The following SCN8A variants were observed in gnomAD, a reference collection of about 807,000 sequenced individuals.
SCN8A encodes the protein sodium channel protein type 8 subunit alpha.
A neutral mutation model predicts 184.1 loss-of-function variants in SCN8A; 30 were observed. The observed-to-expected ratio is 0.16, with a 90% CI of 0.12 to 0.22. The LOEUF (loss-of-function observed/expected upper bound fraction) is 0.22. Ranked by LOEUF, SCN8A falls within the 10% of genes least tolerant of loss-of-function variation. SCN8A has a pLI of 1.00. For synonymous variants in SCN8A, 852 were observed against 907.0 expected (o/e 0.94, Z 1.09); for missense variants, 1,057 against 2,498.9 (o/e 0.42, Z 12.30).
At chr12:51,749,761 G>A (rs924276029) in intron 13 of SCN8A, among the ~76,000 whole-genome samples, 1 of 152,124 alleles carries the variant, frequency 6.6e-6, no homozygotes, top group African/African-American at 2.4e-5. Context: ...CAGCTGGTTG[G>A]AAAAGGGAAC....
intron 2 of SCN8A, among the ~76,000 whole-genome samples, chr12:51,671,494 T>G (rs947852374): frequency 6.6e-6 from 1 of 152,176 alleles, no homozygotes; most frequent in African/African-American, 2.4e-5. Context: ...GATTGGTAAT[T>G]TTAGGAATTA....
At chr12:51,645,399 C>G (rs539081040) in intron 1 of SCN8A, among the ~76,000 whole-genome samples, 1 of 151,918 alleles carries the variant, frequency 6.6e-6, no homozygotes, top group African/African-American at 2.4e-5. Context: ...TGCCCGGCCG[C>G]GCCTACTGGG....
intron 6 of SCN8A, among the ~76,000 whole-genome samples, chr12:51,691,911 T>C (rs1019052833): frequency 6.6e-6 from 1 of 152,224 alleles, no homozygotes; most frequent in Non-Finnish European, 1.5e-5. Context: ...TGTTGTGCTA[T>C]TCCTACCTGC....
At chr12:51,792,183 T>C (rs1453205485) in intron 25 of SCN8A, among the ~76,000 whole-genome samples, 1 of 151,750 alleles carries the variant, frequency 6.6e-6, no homozygotes, top group Non-Finnish European at 1.5e-5. Flanking sequence ...AGGGTCTACT[T>C]GAGTGGATGA....
chr12:51,649,220 G>A (rs1429538882), intron 1 of SCN8A, among the ~76,000 whole-genome samples: 1 of 152,206 alleles, frequency 6.6e-6, no homozygotes, highest in East Asian at 1.9e-4. Context: ...TTGTGGTTTT[G>A]CAGGGTACAG....
At chr12:51,603,759 A>G (rs562164695) in intron 1 of SCN8A, among the ~76,000 whole-genome samples, 106 of 151,876 alleles carry the variant, frequency 7.0e-4, no homozygotes, top group African/African-American at 2.5e-3. Context: ...TAGCCATTCT[A>G]ATAGGTGTGT....
At chr12:51,616,565 T>C (rs1175984726) in intron 1 of SCN8A, among the ~76,000 whole-genome samples, 1 of 151,920 alleles carries the variant, frequency 6.6e-6, no homozygotes, top group African/African-American at 2.4e-5. Flanking sequence ...GAGCAAAGAA[T>C]GCACCACTGC....
Position 51,721,106 on chromosome 12 carries a change from T to TATATATATATAA in SCN8A, c.1636-439_1636-438insTATATATATAAA, listed in dbSNP as rs1179556945. Among the ~76,000 whole-genome samples the TATATATATATAA allele has an allele frequency of 1.3e-3, 139 of 106,090 alleles. 2 individuals carry two copies. The highest frequency in any genetic ancestry group is 5.0e-3 in the African/African-American group (129 of 25,812). The allele number at this position is 106,090 out of a possible 152,430, so 69.6% of individuals were successfully genotyped here. On this transcript the variant is annotated intron_variant, in intron 11 of 26. Coordinates refer to ENST00000627620, the MANE Select transcript of SCN8A (RefSeq NM_001330260.2). ...TTATATATATATATATATATATATATAATATTTATTTATTGTTATATATAT... is the reference window on the plus strand; with the variant it reads ...TTATATATATATATATATATATATATATATATATATAAAATATTTATTTATTGTTATATATAT...
intron 11 of SCN8A, among the ~76,000 whole-genome samples, chr12:51,709,616 T>C (rs1295294188): frequency 6.6e-6 from 1 of 151,966 alleles, no homozygotes; most frequent in Non-Finnish European, 1.5e-5. Context: ...TAGTCCAGAG[T>C]AAGGAAGGAT....
intron 2 of SCN8A, among the ~76,000 whole-genome samples, chr12:51,673,977 A>T: frequency 6.6e-6 from 1 of 152,170 alleles, no homozygotes; most frequent in South Asian, 2.1e-4. Context: ...CACCTGTCAG[A>T]GAAGAGATGA....
chr12:51,790,546 A>G, intron 25 of SCN8A, 44 bp downstream of exon 25: 1 of 1,315,686 alleles, frequency 7.6e-7, no homozygotes, highest in Middle Eastern at 1.8e-4. Context: ...GAACCCATAT[A>G]GGAAAAGTAC....
rs371712630 is a variant in SCN8A, at chr12:51,663,087, G to A, written c.270G>A (p.Thr90=). ...PLEDFDPYYL[T]QKTFVVLNRG... is the part of the protein sequence containing the mutation. ...AGGACTTTGACCCATACTATTTGAC[G>A]CAGAAAGTGAGTTGGAGGAGGAGGA... Residue 90 remains threonine, a synonymous_variant, in exon 2 of 27, where the codon ACG becomes ACA. Transcript: ENST00000627620. The A allele has an allele frequency of 2.6e-5, 42 of 1,613,198 alleles. No individual in the cohort carries two copies. In the East Asian group the frequency reaches 2.7e-4, roughly 10 times the overall value.
chr12:51,797,773 C>G (rs192943807), intron 26 of SCN8A, among the ~76,000 whole-genome samples: 1 of 152,338 alleles, frequency 6.6e-6, no homozygotes, highest in Non-Finnish European at 1.5e-5. Context: ...CCAGCCAACA[C>G]TATAACTCCC....
intron 11 of SCN8A, chr12:51,713,557 C>T (rs1231935083): frequency 4.5e-5 from 33 of 730,180 alleles, no homozygotes; most frequent in Non-Finnish European, 7.0e-5. Flanking sequence ...GTGGCAATGT[C>T]GACGGCTGGA....
intron 26 of SCN8A, among the ~76,000 whole-genome samples, chr12:51,805,877 G>A (rs933200712): frequency 1.4e-4 from 21 of 151,406 alleles, no homozygotes; most frequent in African/African-American, 4.4e-4. Flanking sequence ...CACCAAGGCT[G>A]GAGTGCAGTG....
At chr12:51,633,326 T>G (rs982625668) in intron 1 of SCN8A, among the ~76,000 whole-genome samples, 1 of 152,242 alleles carries the variant, frequency 6.6e-6, no homozygotes, top group African/African-American at 2.4e-5. Context: ...CTTATCTAGA[T>G]TCCCTTCTAG....
intron 20 of SCN8A, 136 bp from the exon 21 acceptor site, chr12:51,780,513 G>T: frequency 1.7e-6 from 1 of 605,608 alleles, no homozygotes; most frequent in Non-Finnish European, 2.5e-6. Context: ...CCCAATCTGT[G>T]TCTGCAGTGC....
chr12:51,700,879 A>G (rs993065370), intron 7 of SCN8A, among the ~76,000 whole-genome samples: 30 of 152,228 alleles, frequency 2.0e-4, no homozygotes, highest in African/African-American at 6.3e-4. Context: ...AGAATCTGGC[A>G]TATAGATTTG....
chr12:51,667,213 A>G (rs1941049070), intron 2 of SCN8A, among the ~76,000 whole-genome samples: 1 of 152,178 alleles, frequency 6.6e-6, no homozygotes. Flanking sequence ...AACCACTGAT[A>G]GTAGTATCTT....
Sources: allele counts gnomAD v4.1 joint callset (sites outside exome capture counted in the v4.1 genomes callset), GRCh38; gene constraint gnomAD v4.1.1; transcripts MANE v1.5; gene names NCBI Gene and HGNC (gene_info 2026-07-23, HGNC 2026-07-21).